ZSCAN4: variants seen among roughly 807,000 people sequenced by gnomAD.
ZSCAN4 encodes the protein zinc finger and SCAN domain containing 4.
A neutral mutation model predicts 18.3 loss-of-function variants in ZSCAN4; 18 were observed. That is an observed-to-expected ratio of 0.98 (90% CI 0.68 to 1.46). The LOEUF (loss-of-function observed/expected upper bound fraction) is 1.46. Ranked by LOEUF, ZSCAN4 falls within the 40% of genes most tolerant of loss-of-function variation. The pLI is 0.00. For synonymous variants in ZSCAN4, 193 were observed against 180.3 expected (o/e 1.07, Z -0.57); for missense variants, 498 against 511.4 (o/e 0.97, Z 0.25).
At position 57,676,587 on chromosome 19, in the gene ZSCAN4, A is replaced by T; in HGVS notation, c.396+46A>T. On this transcript the variant is annotated intron_variant, in intron 3 of 4. Transcript: ENST00000318203. ...TCTGGGATGAGAGACAAAGGAAAGT[A>T]AGGAATAAATCACAGTCAGTTAGAG... 1.3e-6 allele frequency: 2 copies of T among 1,547,556 alleles called. 1 individual carries two copies. The highest frequency in any genetic ancestry group is 2.5e-5 in the South Asian group (2 of 79,688).
the ZSCAN4 span, among the ~76,000 whole-genome samples, chr19:57,652,979 C>T: frequency 6.6e-6 from 1 of 152,096 alleles, no homozygotes; most frequent in Admixed American, 6.6e-5. Flanking sequence ...CACTGATGCT[C>T]TCCACCACCA....
rs1283718278 is a variant in ZSCAN4, at chr19:57,670,958, C to T, written c.-106+391C>T. On this transcript the variant is annotated intron_variant, in intron 2 of 4. Coordinates refer to ENST00000318203, the Ensembl canonical transcript of ZSCAN4. ...TCACTGCAGCTTCAGCCTCCCCAGG[C>T]TCAAGTGATCCTTCCACCTTAGCTT... Among the ~76,000 whole-genome samples, 3 of 151,972 alleles carry T rather than the reference C, an allele frequency of 2.0e-5. 1 individual carries two copies. In the South Asian group the frequency reaches 6.2e-4, roughly 32 times the overall value.
the ZSCAN4 span, among the ~76,000 whole-genome samples, chr19:57,655,984 C>T: frequency 4.6e-5 from 7 of 152,062 alleles, no homozygotes; most frequent in Non-Finnish European, 1.0e-4. Flanking sequence ...CTAACTAGGG[C>T]CCTCACCCTA....
At position 57,670,446 on chromosome 19, in the gene ZSCAN4, C is replaced by G. The variant is rs973571632; in HGVS notation, c.-227C>G. 1 of 152,194 alleles carries G rather than the reference C, an allele frequency of 6.6e-6. No homozygotes were observed. 9.4% of individuals were successfully genotyped at this position (152,194 alleles called of 1,614,324 possible). A position where few individuals can be genotyped will look rare whatever the true frequency, so the allele number is the denominator to read the frequency against. ...TATCCAATCACGTCTTTAAATCAAT[C>G]ACTGATCCCAGCCCCTATAAAAGGG... On this transcript the variant is annotated 5_prime_UTR_variant, in exon 2 of 5. In the 5' UTR this introduces an upstream ATG that the reference lacks. Coordinates refer to ENST00000318203, the Ensembl canonical transcript of ZSCAN4.
At chr19:57,674,000 C>T (rs145450312) in intron 2 of ZSCAN4, among the ~76,000 whole-genome samples, 3,322 of 152,014 alleles carry the variant, frequency 0.022, 134 homozygotes, top group African/African-American at 0.076. Flanking sequence ...GTGATCTGCC[C>T]GCCTCGGCCT....
chr19:57,659,567 A>C, the ZSCAN4 span, among the ~76,000 whole-genome samples: 2 of 152,122 alleles, frequency 1.3e-5, no homozygotes, highest in African/African-American at 4.8e-5. Flanking sequence ...GGTCTCAATA[A>C]ATAGTTTTTG....
chr19:57,671,121 CA>C (rs1984010180), intron 2 of ZSCAN4, among the ~76,000 whole-genome samples: 1 of 152,094 alleles, frequency 6.6e-6, no homozygotes, highest in Admixed American at 6.6e-5. Context: ...TTTCAGCCTC[CA>C]AAAGTGCTGG....
At chr19:57,658,120 A>G in the ZSCAN4 span, among the ~76,000 whole-genome samples, 1 of 152,242 alleles carries the variant, frequency 6.6e-6, no homozygotes, top group African/African-American at 2.4e-5. Context: ...GCACATCTGA[A>G]TGGGTAACTG....
chr19:57,678,345 C>T (rs1396691487), exon 5 of ZSCAN4: 1 of 1,614,142 alleles, frequency 6.2e-7, no homozygotes, highest in Non-Finnish European at 8.5e-7. Flanking sequence ...AAGAGCAGAG[C>T]TAGTCACTGC....
upstream of ZSCAN4, among the ~76,000 whole-genome samples, chr19:57,666,235 C>T (rs139600144): frequency 1.6e-4 from 25 of 152,296 alleles, no homozygotes; most frequent in East Asian, 4.8e-3. Context: ...TCGATGCGCC[C>T]TGGAGAATTT....
intron 2 of ZSCAN4, among the ~76,000 whole-genome samples, chr19:57,670,777 G>T (rs544112162): frequency 1.3e-5 from 2 of 152,252 alleles, no homozygotes; most frequent in South Asian, 2.1e-4. Flanking sequence ...GACCCAAAAG[G>T]GCTTGATGTT....
intron 3 of ZSCAN4, 120 bp downstream of exon 3, chr19:57,676,661 C>G (rs776501590): frequency 1.9e-5 from 21 of 1,101,318 alleles, no homozygotes; most frequent in Non-Finnish European, 2.4e-5. Flanking sequence ...TTAGTCAGCT[C>G]ACACTCTCCC....
upstream of ZSCAN4, among the ~76,000 whole-genome samples, chr19:57,667,775 G>A (rs139670811): frequency 6.6e-6 from 1 of 152,110 alleles, no homozygotes; most frequent in Non-Finnish European, 1.5e-5. Context: ...CAGAGCTCAA[G>A]GAACTCCTTG....
the ZSCAN4 span, among the ~76,000 whole-genome samples, chr19:57,658,891 T>C: frequency 2.6e-5 from 4 of 151,542 alleles, no homozygotes; most frequent in African/African-American, 9.7e-5. Flanking sequence ...AAAAATACTC[T>C]TCCTTAATCT....
chr19:57,658,582 C>G, the ZSCAN4 span, among the ~76,000 whole-genome samples: 1 of 152,204 alleles, frequency 6.6e-6, no homozygotes, highest in East Asian at 1.9e-4. Context: ...GCCTGTAATC[C>G]CAGCACTTTG....
the ZSCAN4 span, among the ~76,000 whole-genome samples, chr19:57,657,211 G>A: frequency 2.7e-5 from 4 of 146,312 alleles, no homozygotes; most frequent in East Asian, 6.2e-4. Flanking sequence ...AGCTGAGATC[G>A]CGCCACTGTA....
At chr19:57,659,408 G>A in the ZSCAN4 span, among the ~76,000 whole-genome samples, 3 of 151,972 alleles carry the variant, frequency 2.0e-5, no homozygotes, top group East Asian at 1.9e-4. Context: ...TTTTTGAGGG[G>A]CAGAGCCTTG....
chr19:57,671,443 A>G (rs1984019462), intron 2 of ZSCAN4, among the ~76,000 whole-genome samples: 1 of 151,854 alleles, frequency 6.6e-6, no homozygotes, highest in African/African-American at 2.4e-5. Flanking sequence ...TGGGTAATCC[A>G]AAAAGAGAAC....
At chr19:57,661,648 G>A in the ZSCAN4 span, among the ~76,000 whole-genome samples, 1 of 152,166 alleles carries the variant, frequency 6.6e-6, no homozygotes, top group Non-Finnish European at 1.5e-5. Context: ...TAAATAAAAT[G>A]TGCCAGAAAC....
Sources: allele counts gnomAD v4.1 joint callset (sites outside exome capture counted in the v4.1 genomes callset), GRCh38; gene constraint gnomAD v4.1.1; transcripts MANE v1.5; gene names NCBI Gene and HGNC (gene_info 2026-07-23, HGNC 2026-07-21).